Variants in CRACDL observed in about 807,000 individuals in gnomAD.
The protein encoded by CRACDL is CRACD like.
In CRACDL, 26 loss-of-function variants were observed where a neutral mutation model predicts 70.6. The observed-to-expected ratio is 0.37, with a 90% CI of 0.27 to 0.51. The LOEUF is 0.51. CRACDL is among the 20% of genes least tolerant of loss of function. The probability of loss-of-function intolerance (pLI) is 0.94; values close to 1 mark genes in which losing one functional copy is unlikely to be tolerated. For missense variants in CRACDL, 1,283 were observed against 1,376.9 expected (o/e 0.93, Z 1.08); for synonymous variants, 618 against 615.2 (o/e 1.00, Z -0.07).
chr2:98,900,138 G>A (rs1319752105), intron 1 of CRACDL, among the ~76,000 whole-genome samples: 12 of 141,692 alleles, frequency 8.5e-5, no homozygotes, highest in African/African-American at 2.3e-4. Context: ...GGGAGGCAGG[G>A]GGACAGAGGC....
In CRACDL at chr2:98,889,285, G is replaced by GAGAAAGAAAGAAAGAAAGAAAGAA. The variant is rs55635946; in HGVS notation, c.-10-42499_-10-42476dup. 6.1e-4 allele frequency among the ~76,000 whole-genome samples: 86 copies of GAGAAAGAAAGAAAGAAAGAAAGAA among 141,072 alleles called. No individual in the cohort carries two copies. The Middle Eastern group carries it at 0.011, about 18-fold the overall frequency. The allele number at this position is 141,072 out of a possible 152,430, so 92.5% of individuals were successfully genotyped here. ...AGAAAGAAAGAAACAGAAAAAGAGA[G>GAGAAAGAAAGAAAGAAAGAAAGAA]AGAAAGAAAGAAAGAAAGAAAGAAA... On this transcript the variant is annotated intron_variant, in intron 1 of 9. Transcript: ENST00000397899.
At chr2:98,857,301 T>C (rs1418480411) in intron 1 of CRACDL, among the ~76,000 whole-genome samples, 1 of 152,210 alleles carries the variant, frequency 6.6e-6, no homozygotes, top group Non-Finnish European at 1.5e-5. Flanking sequence ...ACTCTATGAA[T>C]ATATTTTTGT....
At chr2:98,878,347 T>C (rs1442806600) in intron 1 of CRACDL, among the ~76,000 whole-genome samples, 1 of 152,240 alleles carries the variant, frequency 6.6e-6, no homozygotes, top group Non-Finnish European at 1.5e-5. Flanking sequence ...TGTTTAGACA[T>C]GTTCAGATAC....
chr2:98,878,780 A>G (rs1707557507), intron 1 of CRACDL, among the ~76,000 whole-genome samples: 1 of 152,242 alleles, frequency 6.6e-6, no homozygotes, highest in Admixed American at 6.5e-5. Flanking sequence ...TGGCTGACTG[A>G]GAGGCGCCCA....
At chr2:98,802,079 G>A (rs544603771) in intron 7 of CRACDL, among the ~76,000 whole-genome samples, 5 of 152,338 alleles carry the variant, frequency 3.3e-5, no homozygotes, top group South Asian at 4.1e-4. Flanking sequence ...TGAGAACATC[G>A]TCCACGGGTT....
chr2:98,886,149 G>A (rs1432466358), intron 1 of CRACDL, among the ~76,000 whole-genome samples: 1 of 152,168 alleles, frequency 6.6e-6, no homozygotes, highest in African/African-American at 2.4e-5. Flanking sequence ...GCTGGAAGGG[G>A]ACAACTGGGT....
At chr2:98,930,625 C>T (rs1709050770) in intron 1 of CRACDL, among the ~76,000 whole-genome samples, 1 of 152,020 alleles carries the variant, frequency 6.6e-6, no homozygotes, top group Non-Finnish European at 1.5e-5. Context: ...ACCTACCCCT[C>T]TTCCGTCCCC....
At chr2:98,872,225 G>T (rs148626985) in intron 1 of CRACDL, among the ~76,000 whole-genome samples, 4,502 of 152,310 alleles carry the variant, frequency 0.03, 166 homozygotes, top group South Asian at 0.17. Flanking sequence ...GGGCGTGGTG[G>T]CACATGCCTG....
intron 1 of CRACDL, among the ~76,000 whole-genome samples, chr2:98,879,596 T>A (rs1459149861): frequency 6.6e-6 from 1 of 152,262 alleles, no homozygotes; most frequent in East Asian, 1.9e-4. Flanking sequence ...TTGCCTAGGC[T>A]GGAGTGCAGT....
At chr2:98,800,934 CTG>C (rs1014040952) in intron 7 of CRACDL, among the ~76,000 whole-genome samples, 7 of 152,158 alleles carry the variant, frequency 4.6e-5, no homozygotes, top group Admixed American at 6.5e-5. Flanking sequence ...TCCAGCTGTA[CTG>C]TGTGTGTGTT....
At chr2:98,926,826 G>T (rs533626214) in intron 1 of CRACDL, among the ~76,000 whole-genome samples, 1 of 152,178 alleles carries the variant, frequency 6.6e-6, no homozygotes, top group Non-Finnish European at 1.5e-5. Context: ...CGCCTGCAGC[G>T]AAGGGTTGCT....
At chr2:98,851,785 G>A (rs1268312799) in intron 1 of CRACDL, among the ~76,000 whole-genome samples, 2 of 152,214 alleles carry the variant, frequency 1.3e-5, no homozygotes, top group Non-Finnish European at 2.9e-5. Flanking sequence ...AAGTGGTAGA[G>A]TAGCCTACAC....
At chr2:98,867,655 A>G (rs1707198398) in intron 1 of CRACDL, among the ~76,000 whole-genome samples, 1 of 152,232 alleles carries the variant, frequency 6.6e-6, no homozygotes, top group Non-Finnish European at 1.5e-5. Context: ...AAGATACAAT[A>G]TAAATTCACT....
At chr2:98,819,978 C>A (rs894565217) in intron 7 of CRACDL, among the ~76,000 whole-genome samples, 1 of 151,608 alleles carries the variant, frequency 6.6e-6, no homozygotes, top group Admixed American at 6.6e-5. Context: ...CGCCACCATG[C>A]CTGGCTAATT....
At chr2:98,862,097 G>A (rs961165576) in intron 1 of CRACDL, among the ~76,000 whole-genome samples, 4 of 152,016 alleles carry the variant, frequency 2.6e-5, no homozygotes, top group Non-Finnish European at 2.9e-5. Flanking sequence ...TCTCATTCTC[G>A]GAGCCAGATA....
intron 1 of CRACDL, among the ~76,000 whole-genome samples, chr2:98,861,502 C>G (rs1168784528): frequency 6.6e-6 from 1 of 152,176 alleles, no homozygotes; most frequent in Non-Finnish European, 1.5e-5. Flanking sequence ...GTAGCAGGTA[C>G]TTTGGAAAAG....
At chr2:98,902,197 C>T (rs1708299808) in intron 1 of CRACDL, among the ~76,000 whole-genome samples, 1 of 152,202 alleles carries the variant, frequency 6.6e-6, no homozygotes, top group South Asian at 2.1e-4. Flanking sequence ...GGAAGAATGT[C>T]ATCAATGAAA....
chr2:98,859,089 A>G (rs1049060210), intron 1 of CRACDL, among the ~76,000 whole-genome samples: 6 of 152,144 alleles, frequency 3.9e-5, no homozygotes, highest in Admixed American at 3.9e-4. Context: ...CCCTTCACAA[A>G]CGCCTCTCAA....
At chr2:98,869,763 C>T (rs1707279357) in intron 1 of CRACDL, among the ~76,000 whole-genome samples, 1 of 152,226 alleles carries the variant, frequency 6.6e-6, no homozygotes, top group African/African-American at 2.4e-5. Flanking sequence ...CTGCGCTGCA[C>T]ACTTGCTCCC....
Sources: allele counts gnomAD v4.1 joint callset (sites outside exome capture counted in the v4.1 genomes callset), GRCh38; gene constraint gnomAD v4.1.1; transcripts MANE v1.5; gene names NCBI Gene and HGNC (gene_info 2026-07-23, HGNC 2026-07-21).